Variants in ADCY5 observed in about 807,000 individuals in gnomAD.
The protein encoded by ADCY5 is adenylate cyclase 5.
A neutral mutation model predicts 119.7 loss-of-function variants in ADCY5; 30 were observed. The observed-to-expected ratio is 0.25, with a 90% CI of 0.19 to 0.34. The LOEUF (loss-of-function observed/expected upper bound fraction) is 0.34, where lower values mean the gene tolerates loss of function less well. Ranked by LOEUF, ADCY5 falls within the 10% of genes least tolerant of loss-of-function variation. The pLI is 1.00. For synonymous variants in ADCY5, 753 were observed against 762.2 expected, an observed-to-expected ratio of 0.99 and a Z score of 0.20; for missense variants, 1,324 against 1,775.2, an observed-to-expected ratio of 0.75 and a Z score of 4.57.
Position 123,284,621 on chromosome 3 carries a change from G to A in ADCY5, c.3773C>T (p.Pro1258Leu). The A allele has an allele frequency of 6.2e-7, 1 of 1,614,232 alleles. No homozygotes were observed. The highest frequency in any genetic ancestry group is 8.5e-7 in the Non-Finnish European group (1 of 1,180,032). The stretch of plus-strand genomic sequence containing the variant: ...GGCCAACAGCTGCTAACTGAGCGGG[G>A]GCCCTCCATTGAGGAAGTAGGTCAT... The part of the protein sequence containing the change: ...EMMTYFLNGG[P>L]PLS Residue 1258 changes from proline to leucine, a missense_variant, in exon 21 of 21, where the codon CCC becomes CTC. Coordinates refer to ENST00000462833, the MANE Select transcript of ADCY5 (RefSeq NM_183357.3).
At chr3:123,356,752 T>C (rs1943053405) in intron 1 of ADCY5, among the ~76,000 whole-genome samples, 1 of 152,174 alleles carries the variant, frequency 6.6e-6, no homozygotes, top group African/African-American at 2.4e-5. Flanking sequence ...CTGGTCGAAA[T>C]GAGAAATGGT....
At chr3:123,385,092 C>G (rs1038567877) in intron 1 of ADCY5, among the ~76,000 whole-genome samples, 1 of 152,130 alleles carries the variant, frequency 6.6e-6, no homozygotes, top group African/African-American at 2.4e-5. Context: ...TTACAGCCGG[C>G]ACCCCAGCCC....
intron 1 of ADCY5, chr3:123,416,069 G>A (rs779469479): frequency 1.7e-6 from 2 of 1,152,816 alleles, no homozygotes; most frequent in African/African-American, 3.1e-5. Flanking sequence ...TAGGGTCAGG[G>A]GTTACAGTAC....
At chr3:123,407,625 G>T (rs1944934367) in intron 1 of ADCY5, among the ~76,000 whole-genome samples, 1 of 148,868 alleles carries the variant, frequency 6.7e-6, no homozygotes, top group Non-Finnish European at 1.5e-5. Flanking sequence ...GCTGGGCACG[G>T]TGGTATGCAC....
chr3:123,350,050 A>G (rs1207619640), intron 2 of ADCY5, among the ~76,000 whole-genome samples: 1 of 152,134 alleles, frequency 6.6e-6, no homozygotes, highest in African/African-American at 2.4e-5. Context: ...CTCCAGATAG[A>G]GCAGAACACA....
intron 8 of ADCY5, among the ~76,000 whole-genome samples, chr3:123,321,559 G>A (rs147245055): frequency 1.1e-3 from 168 of 152,260 alleles, no homozygotes; most frequent in African/African-American, 3.9e-3. Context: ...GAGGTGGTGC[G>A]GAAGGTGACA....
At chr3:123,420,611 A>G (rs1189632518) in intron 1 of ADCY5, among the ~76,000 whole-genome samples, 1 of 152,132 alleles carries the variant, frequency 6.6e-6, no homozygotes, top group Non-Finnish European at 1.5e-5. Context: ...GAGGCCAGCC[A>G]AAGCCTCGCC....
intron 1 of ADCY5, among the ~76,000 whole-genome samples, chr3:123,395,810 G>C (rs1209078883): frequency 6.6e-6 from 1 of 151,384 alleles, no homozygotes; most frequent in African/African-American, 2.4e-5. Flanking sequence ...TTGAGCCTAG[G>C]AAGTCGAGGT....
At chr3:123,290,049 G>A (rs1669745332) in intron 18 of ADCY5, 95 bp from the exon 19 acceptor site, 1 of 1,230,034 alleles carries the variant, frequency 8.1e-7, no homozygotes, top group Non-Finnish European at 1.2e-6. Context: ...GCAGCAGCAT[G>A]GCCCTTCATG....
chr3:123,405,219 G>A (rs1944869672), intron 1 of ADCY5, among the ~76,000 whole-genome samples: 1 of 152,240 alleles, frequency 6.6e-6, no homozygotes, highest in Admixed American at 6.5e-5. Flanking sequence ...CTCATGCTGT[G>A]GCTCTGGTTT....
intron 1 of ADCY5, among the ~76,000 whole-genome samples, chr3:123,371,325 A>G (rs749132369): frequency 2.0e-5 from 3 of 152,260 alleles, no homozygotes; most frequent in African/African-American, 7.2e-5. Flanking sequence ...CTGTGTAAAG[A>G]TTAAGATGAT....
At chr3:123,317,331 A>ATTTT (rs11427256) in intron 11 of ADCY5, among the ~76,000 whole-genome samples, 1 of 146,880 alleles carries the variant, frequency 6.8e-6, no homozygotes. Flanking sequence ...TCTTTTGAAG[A>ATTTT]TTTTTTTTTT....
Position 123,319,805 on chromosome 3 carries a change from T to C in ADCY5, c.2125A>G (p.Ser709Gly), listed in dbSNP as rs768043180. ...EDPKDKNAQE[S>G]ANPEDEVDEF... The stretch of plus-strand genomic sequence containing the variant: ...TCCACTTCATCCTCAGGGTTCGCAC[T>C]CTCCTGGGCGTTCCTGGGGAGCAGA... Residue 709 changes from serine (S) to glycine (G), a missense_variant, in exon 10 of 21, where the codon AGT becomes GGT. Ser to Gly is a moderately conservative substitution (Grantham distance 56). Transcript: ENST00000462833. 1 of 1,613,864 alleles carries C rather than the reference T, an allele frequency of 6.2e-7. No individual in the cohort carries two copies. Among genetic ancestry groups the C allele is most frequent in the Non-Finnish European group, 8.5e-7 (1 of 1,179,796 alleles).
At chr3:123,422,794 A>C (rs942805154) in intron 1 of ADCY5, among the ~76,000 whole-genome samples, 1 of 152,242 alleles carries the variant, frequency 6.6e-6, no homozygotes, top group African/African-American at 2.4e-5. Flanking sequence ...AGAGGCCATA[A>C]GGCTCCAGAA....
chr3:123,439,744 C>T (rs747288201), intron 1 of ADCY5, among the ~76,000 whole-genome samples: 3 of 152,184 alleles, frequency 2.0e-5, no homozygotes, highest in South Asian at 2.1e-4. Context: ...GGGCTGAAGG[C>T]GGTCCTCAGA....
chr3:123,393,446 A>G (rs61246306), intron 1 of ADCY5, among the ~76,000 whole-genome samples: 6,320 of 152,120 alleles, frequency 0.042, 293 homozygotes, highest in East Asian at 0.14. Context: ...AGCCTTAGTT[A>G]CCAGGGAGGC....
rs1287703605 is a variant in ADCY5 at position 123,348,035 on chromosome 3, C to CTGTGTGTGTGTGTGTGTGTGTGTG, written c.1285-133_1285-132insCACACACACACACACACACACACA. 8.9e-6 allele frequency: 4 copies of CTGTGTGTGTGTGTGTGTGTGTGTG among 448,236 alleles called. No individual in the cohort carries two copies. The African/African-American group carries it at 2.0e-4, about 22-fold the overall frequency. 27.8% of individuals were successfully genotyped at this position (448,236 alleles called of 1,614,324 possible). ...GGCTCTCCCGGGACTCCTGGGTTAACAGTGTGTGTGTGTGTGTGTGTGTGT... is the reference window on the plus strand; with the variant it reads ...GGCTCTCCCGGGACTCCTGGGTTAACTGTGTGTGTGTGTGTGTGTGTGTGAGTGTGTGTGTGTGTGTGTGTGTGT... On this transcript the variant is annotated intron_variant, in intron 2 of 20. Transcript: ENST00000462833.
intron 1 of ADCY5, among the ~76,000 whole-genome samples, chr3:123,445,346 C>CA (rs1034907529): frequency 6.7e-6 from 1 of 150,156 alleles, no homozygotes; most frequent in Non-Finnish European, 1.5e-5. Context: ...GGGGCCCCCC[C>CA]CAAGGCTCAG....
chr3:123,284,750 GGAGGA>G lies in ADCY5; in HGVS notation c.3658-19_3658-15del, dbSNP rs774649024. The G allele has an allele frequency of 6.2e-7, 1 of 1,613,788 alleles. No individual in the cohort carries two copies. Among genetic ancestry groups the G allele is most frequent in the Non-Finnish European group, 8.5e-7 (1 of 1,179,802 alleles). The stretch of plus-strand genomic sequence containing the variant: ...GTCTGTGGTGACCTGTGGGGGAACA[GGAGGA>G]GAGAGGGCAAGCCACTGATGGCCTT... On this transcript the variant is annotated splice_polypyrimidine_tract_variant and intron_variant, in intron 20 of 20. Coordinates refer to ENST00000462833, the MANE Select transcript of ADCY5 (RefSeq NM_183357.3).
Sources: gnomAD v4.1 joint callset for allele counts (sites outside exome capture counted in the v4.1 genomes callset) on GRCh38, gnomAD v4.1.1 for gene constraint, MANE v1.5 for transcripts, NCBI Gene and HGNC (gene_info 2026-07-23, HGNC 2026-07-21) for gene names.